Variants in SORL1 observed in about 807,000 individuals in gnomAD.
SORL1 encodes sortilin-related receptor.
In SORL1, 127 loss-of-function variants were observed where a neutral mutation model predicts 273.7. The ratio of observed to expected loss-of-function variants is 0.46; its 90% confidence interval spans 0.40 to 0.54. SORL1 has a LOEUF of 0.54. Among genes scored for constraint, SORL1 ranks in the 20% least tolerant of loss-of-function variants. SORL1 has a pLI of 0.00. For missense variants in SORL1, 2,494 were observed against 2,846.1 expected (o/e 0.88, Z 2.81); for synonymous variants, 1,031 against 1,067.4 (o/e 0.97, Z 0.66).
rs145195996 is a variant in SORL1, at chr11:121,522,650, G to A, written c.1469G>A (p.Arg490Gln). The change falls in exon 10 of 48, where the codon CGG becomes CAG. Residue 490 changes from arginine (R) to glutamine (Q), a missense_variant. By Grantham distance (43) the Arg-to-Gln change is conservative. Around this residue, in one of 3 missense-constraint regions of SORL1, gnomAD observed 710 missense variants for 882.5 expected, o/e 0.80. Transcript: ENST00000260197. Reference sequence around the variant, plus strand: ...AGTCAGCTCCTCAACCTCCAGCTCCGGAGAATGCCCATCCTGTCCAAGGAG... The same window carrying A: ...AGTCAGCTCCTCAACCTCCAGCTCCAGAGAATGCCCATCCTGTCCAAGGAG... ...RLSQLLNLQL[R>Q]RMPILSKESA... 1.7e-5 allele frequency: 28 copies of A among 1,614,062 alleles called. No individual in the cohort carries two copies. The highest frequency in any genetic ancestry group is 2.1e-5 in the Non-Finnish European group (25 of 1,180,040).
chr11:121,578,380 C>A (rs1862967743), intron 25 of SORL1, among the ~76,000 whole-genome samples: 1 of 152,206 alleles, frequency 6.6e-6, no homozygotes, highest in Non-Finnish European at 1.5e-5. Flanking sequence ...CATGTCTTAA[C>A]CTCCTCTGCC....
chr11:121,470,027 C>G lies in SORL1; in HGVS notation c.306C>G (p.His102Gln). The change falls in exon 2 of 48, where the codon CAC (histidine) becomes CAG (glutamine). Residue 102 changes from histidine to glutamine, a missense_variant. Coordinates refer to ENST00000260197, the MANE Select transcript of SORL1 (RefSeq NM_003105.6). ...TTCAGGTTAGTCTGAATGATTCCCA[C>G]AATCAGATGGTGGTGCACTGGGCTG... Reference protein sequence around the residue: ...VYGQVSLNDSHNQMVVHWAGE... With the variant: ...VYGQVSLNDSQNQMVVHWAGE... 1 of 1,613,908 alleles carries G rather than the reference C, an allele frequency of 6.2e-7. No homozygotes were observed.
At chr11:121,494,977 A>G (rs1382710366) in intron 5 of SORL1, among the ~76,000 whole-genome samples, 1 of 152,228 alleles carries the variant, frequency 6.6e-6, no homozygotes, top group Admixed American at 6.5e-5. Context: ...ATAATGAAGA[A>G]TAGTGTTCTC....
intron 41 of SORL1, among the ~76,000 whole-genome samples, chr11:121,618,429 A>G (rs1357124438): frequency 6.7e-6 from 1 of 149,844 alleles, no homozygotes; most frequent in Non-Finnish European, 1.5e-5. Context: ...CTCTTTAATA[A>G]CCCCCCGTTC....
At chr11:121,495,919 G>A (rs1861622531) in intron 5 of SORL1, among the ~76,000 whole-genome samples, 2 of 152,230 alleles carry the variant, frequency 1.3e-5, no homozygotes, top group South Asian at 4.1e-4. Flanking sequence ...CTGTGTCTAG[G>A]AAGCTCAGAC....
In SORL1 at chr11:121,496,863, TGCCAGG is replaced by T; in HGVS notation, c.759-4_760del. ...TGATAACAACCTTTTTTTTTTTTTC[TGCCAGG>T]GGAATTGATCCCTATGACAAACCAA... is the stretch of plus-strand genomic sequence containing the variant. On this transcript the variant is annotated splice_acceptor_variant and splice_polypyrimidine_tract_variant and coding_sequence_variant and intron_variant, in exon 6 of 48. Coordinates refer to ENST00000260197, the MANE Select transcript of SORL1 (RefSeq NM_003105.6). LOFTEE classifies it high-confidence loss of function. The T allele has an allele frequency of 1.3e-6, 2 of 1,572,626 alleles. No homozygotes were observed. Among genetic ancestry groups the T allele is most frequent in the African/African-American group, 1.4e-5 (1 of 72,312 alleles).
intron 3 of SORL1, among the ~76,000 whole-genome samples, chr11:121,483,597 T>G (rs1861428424): frequency 1.3e-5 from 2 of 151,958 alleles, no homozygotes; most frequent in African/African-American, 4.8e-5. Context: ...GCAAACAGGG[T>G]TGGAGAGATT....
chr11:121,615,506 A>C (rs1042139702), intron 41 of SORL1, among the ~76,000 whole-genome samples: 1 of 152,150 alleles, frequency 6.6e-6, no homozygotes, highest in East Asian at 1.9e-4. Context: ...ATACAGCTTT[A>C]CCCTATTTGA....
intron 43 of SORL1, 118 bp downstream of exon 43, chr11:121,620,035 C>A: frequency 1.3e-6 from 1 of 778,870 alleles, no homozygotes; most frequent in East Asian, 2.5e-5. Context: ...TGGCGCTCAG[C>A]AGGAGGTCTC....
chr11:121,605,559 A>G lies in SORL1; in HGVS notation c.4936A>G (p.Thr1646Ala). The G allele has an allele frequency of 6.2e-7, 1 of 1,613,154 alleles. No individual in the cohort carries two copies. Among genetic ancestry groups the G allele is most frequent in the South Asian group, 1.1e-5 (1 of 91,044 alleles). ...CACCAATGACTTTGTGACCCTGAGG[A>G]CCCCAGAGGGATGTAAGTGTTTCAG... ...HNTNDFVTLR[T>A]PEGLPDAPRN... The change falls in exon 35 of 48, where the codon ACC (threonine) becomes GCC (alanine). Residue 1646 changes from threonine (T) to alanine (A), a missense_variant. Transcript: ENST00000260197.
At chr11:121,542,959 C>T (rs543432139) in intron 12 of SORL1, among the ~76,000 whole-genome samples, 3 of 150,824 alleles carry the variant, frequency 2.0e-5, no homozygotes, top group East Asian at 1.9e-4. Context: ...AGGCGGATCA[C>T]GAGGTCAGGA....
chr11:121,452,774 A>C lies in SORL1; in HGVS notation c.285+158A>C. 2 of 565,856 alleles carry C rather than the reference A, an allele frequency of 3.5e-6. No individual in the cohort carries two copies. Among genetic ancestry groups the C allele is most frequent in the Non-Finnish European group, 5.7e-6 (2 of 351,164 alleles). 35.1% of individuals were successfully genotyped at this position (565,856 alleles called of 1,614,324 possible). ...TTCCTTCACGAGTACAACCGTCAGCACTTGAATCGCATTGATCTTTCCTTC... is the reference window on the plus strand; with the variant it reads ...TTCCTTCACGAGTACAACCGTCAGCCCTTGAATCGCATTGATCTTTCCTTC... On this transcript the variant is annotated intron_variant, in intron 1 of 47. Transcript: ENST00000260197. This position sits in a 1 kb window ranked among gnomAD's most constrained non-coding sequence, Gnocchi z 5.3.
rs12576978 is a variant in SORL1, at chr11:121,500,428, C to T, written c.939+3379C>T. On this transcript the variant is annotated intron_variant, in intron 6 of 47. Coordinates refer to ENST00000260197, the MANE Select transcript of SORL1 (RefSeq NM_003105.6). The stretch of plus-strand genomic sequence containing the variant: ...CCACCCACGCCTTGCATGCTGCAGA[C>T]GCTGTGTTCTAGAGTGGATGCTAGG... Among the ~76,000 whole-genome samples the T allele has an allele frequency of 7.2e-4, 110 of 152,324 alleles. No individual in the cohort carries two copies. The East Asian group carries it at 0.012, about 16-fold the overall frequency.
intron 12 of SORL1, among the ~76,000 whole-genome samples, chr11:121,538,970 C>A (rs1862308185): frequency 6.6e-6 from 1 of 152,198 alleles, no homozygotes; most frequent in Non-Finnish European, 1.5e-5. Context: ...AGCCTCTGTG[C>A]CTGGCCCCGG....
chr11:121,591,513 G>A (rs1039789769), intron 31 of SORL1, among the ~76,000 whole-genome samples: 7 of 152,210 alleles, frequency 4.6e-5, no homozygotes, highest in African/African-American at 1.4e-4. Flanking sequence ...AACTTTTTGT[G>A]TGTGTATTAA....
Position 121,520,686 on chromosome 11 carries a change from TC to T in SORL1, c.1243del (p.His415ThrfsTer14). 3.1e-6 allele frequency: 5 copies of T among 1,588,288 alleles called. No individual in the cohort carries two copies. The highest frequency in any genetic ancestry group is 4.3e-6 in the Non-Finnish European group (5 of 1,169,562). On this transcript the variant is annotated frameshift_variant, in exon 9 of 48. Coordinates refer to ENST00000260197, the MANE Select transcript of SORL1 (RefSeq NM_003105.6). LOFTEE classifies it high-confidence loss of function. The part of the protein sequence containing the change: ...RYFANEPFAD[F>X]HRVEGLQGVY... ...TTTGCAAATGAACCATTTGCTGACT[TC>T]CACCGAGTGGAAGGATTGCAAGGAG...
In SORL1 at chr11:121,595,329, C is replaced by T. The variant is rs920233591; in HGVS notation, c.4370-294C>T. On this transcript the variant is annotated intron_variant, in intron 31 of 47. Transcript: ENST00000260197. The surrounding 1 kb of genome is among the most constrained non-coding windows in gnomAD (Gnocchi z 5.1). ...GGTAGGACGCAGCCTTCGCTGGCCT[C>T]TTTAGTCACATACCGCTATCTGTCT... 2.0e-5 allele frequency among the ~76,000 whole-genome samples: 3 copies of T among 152,166 alleles called. No individual in the cohort carries two copies. Among genetic ancestry groups the T allele is most frequent in the African/African-American group, 7.2e-5 (3 of 41,450 alleles).
rs1402252526 is a variant in SORL1, at chr11:121,629,892, G to C, written c.*329G>C. The stretch of plus-strand genomic sequence containing the variant: ...TTGGCCAATCTTTTTATTTTTCTAA[G>C]ACACAGAAATGTATTTAATAAAAAC... On this transcript the variant is annotated 3_prime_UTR_variant, in exon 48 of 48. Coordinates refer to ENST00000260197, the MANE Select transcript of SORL1 (RefSeq NM_003105.6). 1 of 293,288 alleles carries C rather than the reference G, an allele frequency of 3.4e-6. No individual in the cohort carries two copies. Among genetic ancestry groups the C allele is most frequent in the African/African-American group, 2.2e-5 (1 of 45,682 alleles). The allele number at this position is 293,288 out of a possible 1,614,324, so 18.2% of individuals were successfully genotyped here.
chr11:121,538,570 C>T (rs928957327), intron 12 of SORL1, among the ~76,000 whole-genome samples: 2 of 152,218 alleles, frequency 1.3e-5, no homozygotes, highest in Non-Finnish European at 2.9e-5. Context: ...AATCAATCAA[C>T]AGGACGGATG....
Sources: gnomAD v4.1 joint callset for allele counts (sites outside exome capture counted in the v4.1 genomes callset) on GRCh38, gnomAD v4.1.1 for gene constraint, gnomAD v4.1.1 regional missense constraint, Gnocchi (gnomAD v3.1) non-coding constraint, MANE v1.5 for transcripts, NCBI Gene and HGNC (gene_info 2026-07-23, HGNC 2026-07-21) for gene names.